Variants in CELA3B observed in about 807,000 individuals in gnomAD.
The protein encoded by CELA3B is chymotrypsin-like elastase family member 3B.
Under a neutral mutation model 37.2 loss-of-function variants are expected in CELA3B, and 34 were observed. The ratio of observed to expected loss-of-function variants is 0.91; its 90% CI spans 0.70 to 1.22. CELA3B has a LOEUF of 1.22. Among genes scored for constraint, CELA3B ranks in the 50% most tolerant of loss-of-function variants. CELA3B has a pLI of 0.00. For synonymous variants in CELA3B, 127 were observed against 143.5 expected, an observed-to-expected ratio of 0.89 and a Z score of 0.82; for missense variants, 340 against 363.1, an observed-to-expected ratio of 0.94 and a Z score of 0.52.
Position 21,981,054 on chromosome 1 carries a change from C to T in CELA3B, c.244C>T (p.Gln82Ter), listed in dbSNP as rs1569837593. The change falls in exon 4 of 8, where the codon CAG becomes TAG. Residue 82 changes from glutamine to a stop codon, truncating the protein, a stop_gained. Transcript: ENST00000337107. LOFTEE classifies it high-confidence loss of function. ...CGCCCGCAGGAGCTCCCGGACCTACCAGGTGGTGTTGGGCGAGTACGACCG... is the reference window on the plus strand; with the variant it reads ...CGCCCGCAGGAGCTCCCGGACCTACTAGGTGGTGTTGGGCGAGTACGACCG... ...GHCISSSRTY[Q>*]VVLGEYDRAV... The T allele has an allele frequency of 6.2e-7, 1 of 1,614,006 alleles. No homozygotes were observed. Among genetic ancestry groups the T allele is most frequent in the Admixed American group, 1.7e-5 (1 of 59,980 alleles).
At chr1:21,983,893 G>T (rs1430243034) in intron 5 of CELA3B, 63 bp downstream of exon 5, 41 of 1,566,022 alleles carry the variant, frequency 2.6e-5, no homozygotes, top group Non-Finnish European at 3.3e-5. Flanking sequence ...CCTGGGGGCT[G>T]CAGGTTGAAG....
chr1:21,998,391 T>C (rs1644900146), exon 5 of CELA3B: 1 of 341,898 alleles, frequency 2.9e-6, no homozygotes, highest in Admixed American at 3.8e-5. Context: ...CCCCGCCCCA[T>C]GGGGGCTCCG....
At chr1:21,977,535 T>C (rs1341552196) in intron 1 of CELA3B, among the ~76,000 whole-genome samples, 1 of 152,164 alleles carries the variant, frequency 6.6e-6, no homozygotes, top group African/African-American at 2.4e-5. Flanking sequence ...CTGACAATAA[T>C]GGTAACAGAT....
chr1:21,997,699 A>G lies in CELA3B; in HGVS notation c.505-452A>G, dbSNP rs529360221. Among the ~76,000 whole-genome samples the G allele has an allele frequency of 9.9e-5, 15 of 151,456 alleles. No homozygotes were observed. The South Asian group carries it at 3.1e-3, about 32-fold the overall frequency. ...AGTGAGACTTCGTCTCCAAAAAAAA[A>G]AAAAAATTATGATCTTGCTCATACA... On this transcript the variant is annotated intron_variant, in intron 4 of 4. Transcript: ENST00000400277.
chr1:21,991,664 T>G (rs993660698), downstream of CELA3B, among the ~76,000 whole-genome samples: 1 of 151,102 alleles, frequency 6.6e-6, no homozygotes, highest in Non-Finnish European at 1.5e-5. Flanking sequence ...AAGGAGATTT[T>G]ATATCTTATA....
chr1:21,987,122 A>G (rs551458352), intron 7 of CELA3B: 30 of 328,748 alleles, frequency 9.1e-5, no homozygotes, highest in East Asian at 1.8e-4. Flanking sequence ...AACACTCCTG[A>G]TAACAGTAAT....
intron 3 of CELA3B, 38 bp from the exon 4 acceptor site, chr1:21,981,000 G>A: frequency 1.2e-6 from 2 of 1,614,136 alleles, no homozygotes; most frequent in Non-Finnish European, 1.7e-6. Context: ...GAGGGAGGTA[G>A]CCAGTCAGGC....
Position 21,986,532 on chromosome 1 carries a change from G to C in CELA3B, c.644G>C (p.Gly215Ala). ...AGGDIRSGCN[G>A]DSGGPLNCPT... The stretch of plus-strand genomic sequence containing the variant: ...CCCACACCTCTCTGACGGTTCCAGG[G>C]TGACTCTGGAGGACCCCTCAACTGC... The change falls in exon 7 of 8, where the codon GGT becomes GCT. Residue 215 changes from glycine to alanine, a missense_variant and splice_region_variant. By Grantham distance (60) the Gly-to-Ala change is moderately conservative. Coordinates refer to ENST00000337107, the MANE Select transcript of CELA3B (RefSeq NM_007352.4). The C allele has an allele frequency of 6.2e-7, 1 of 1,614,004 alleles. No homozygotes were observed. The highest frequency in any genetic ancestry group is 1.1e-5 in the South Asian group (1 of 91,074).
chr1:21,981,940 T>A (rs1455040756), intron 4 of CELA3B, among the ~76,000 whole-genome samples: 1 of 152,100 alleles, frequency 6.6e-6, no homozygotes. Context: ...TTAGCCAGGA[T>A]GATCTCGATC....
At chr1:21,996,744 A>G (rs989720943) in intron 4 of CELA3B, among the ~76,000 whole-genome samples, 2 of 150,824 alleles carry the variant, frequency 1.3e-5, no homozygotes, top group Admixed American at 6.6e-5. Context: ...GCCTGTCCCC[A>G]CTGCCATTGC....
intron 7 of CELA3B, chr1:21,987,638 A>G (rs1644847262): frequency 6.6e-6 from 1 of 151,164 alleles, no homozygotes; most frequent in Non-Finnish European, 1.5e-5. Flanking sequence ...AGTGGGGACC[A>G]CCAGGTGGCC....
At chr1:21,986,397 AT>A in intron 6 of CELA3B, 133 bp from the exon 7 acceptor site, 2 of 1,161,974 alleles carry the variant, frequency 1.7e-6, no homozygotes, top group Non-Finnish European at 2.4e-6. Flanking sequence ...ATAATAAATG[AT>A]TAAAAAAAAT....
intron 4 of CELA3B, among the ~76,000 whole-genome samples, chr1:21,996,221 G>C (rs1468612257): frequency 1.3e-5 from 2 of 151,002 alleles, no homozygotes; most frequent in African/African-American, 4.9e-5. Flanking sequence ...GCTGAGACCT[G>C]GGCTGCATTC....
intron 2 of CELA3B, among the ~76,000 whole-genome samples, chr1:21,979,448 CTTTTCT>C (rs1468131266): frequency 0.026 from 2,832 of 108,460 alleles, 25 homozygotes; most frequent in East Asian, 0.039. Flanking sequence ...CTTTTCTTTT[CTTTTCT>C]TTTTTTTTTT....
chr1:21,978,642 GGCTATTT>G (rs1644785862), intron 2 of CELA3B, among the ~76,000 whole-genome samples, 188 bp downstream of exon 2: 1 of 152,136 alleles, frequency 6.6e-6, no homozygotes, highest in South Asian at 2.1e-4. Context: ...ACCCTCACTG[GGCTATTT>G]GCAACTTAAA....
At chr1:21,984,064 A>G in intron 5 of CELA3B, 125 bp from the exon 6 acceptor site, 3 of 1,322,866 alleles carry the variant, frequency 2.3e-6, no homozygotes, top group Non-Finnish European at 3.2e-6. Context: ...ATGCAGGACC[A>G]TTTAGCGGGT....
chr1:21,986,403 A>G (rs1259630408), intron 6 of CELA3B, 128 bp from the exon 7 acceptor site: 5 of 1,223,064 alleles, frequency 4.1e-6, no homozygotes, highest in Non-Finnish European at 4.5e-6. Flanking sequence ...AATGATTAAA[A>G]AAAATGAGCG....
intron 7 of CELA3B, among the ~76,000 whole-genome samples, chr1:21,988,978 T>C (rs1331078852): frequency 1.6e-4 from 25 of 151,972 alleles, no homozygotes; most frequent in Admixed American, 7.2e-4. Flanking sequence ...CGTATATATA[T>C]ACACACACAC....
intron 4 of CELA3B, among the ~76,000 whole-genome samples, chr1:21,997,414 C>G (rs149248207): frequency 5.8e-5 from 8 of 138,598 alleles, no homozygotes; most frequent in African/African-American, 2.1e-4. Flanking sequence ...AAATGCTGGG[C>G]GTGGTGGCTC....
Sources: gnomAD v4.1 joint callset for allele counts (sites outside exome capture counted in the v4.1 genomes callset) on GRCh38, gnomAD v4.1.1 for gene constraint, MANE v1.5 for transcripts, NCBI Gene and HGNC (gene_info 2026-07-23, HGNC 2026-07-21) for gene names.